MCOLN1: variants seen among roughly 807,000 people sequenced by gnomAD.
MCOLN1 encodes the protein mucolipin-1.
Under a neutral mutation model 70.3 loss-of-function variants are expected in MCOLN1, and 50 were observed. That is an observed-to-expected ratio of 0.71 (90% CI 0.57 to 0.90). The LOEUF is 0.90. Among genes scored for constraint, MCOLN1 ranks in the 40% least tolerant of loss-of-function variants. The probability of loss-of-function intolerance (pLI) is 0.00; values close to 1 mark genes in which losing one functional copy is unlikely to be tolerated. For missense variants in MCOLN1, 598 were observed against 803.5 expected, an observed-to-expected ratio of 0.74 and a Z score of 3.09; for synonymous variants, 366 against 341.0, an observed-to-expected ratio of 1.07 and a Z score of -0.81.
Position 7,522,712 on chromosome 19 carries a change from C to T in MCOLN1, c.-39C>T, listed in dbSNP as rs893816919. 3 of 1,450,688 alleles carry T rather than the reference C, an allele frequency of 2.1e-6. No homozygotes were observed. The highest frequency in any genetic ancestry group is 1.4e-5 in the South Asian group (1 of 73,734). 89.9% of individuals were successfully genotyped at this position (1,450,688 alleles called of 1,614,324 possible). On this transcript the variant is annotated 5_prime_UTR_variant, in exon 1 of 14. Transcript: ENST00000264079. ...CGGCGGGCGATCGGACCCAGGCTGC[C>T]CCGCCGTACCCGCCTGCGTCCCGCG...
At position 7,526,268 on chromosome 19, in the gene MCOLN1, A is replaced by G; in HGVS notation, c.238-171A>G. The stretch of plus-strand genomic sequence containing the variant: ...GAGGTGGGGTGAAATTAATCAAAGC[A>G]AAGAAATGCACAAGTGAAATCCGTG... On this transcript the variant is annotated intron_variant, in intron 2 of 13. Transcript: ENST00000264079. The surrounding 1 kb of genome is among the most constrained non-coding windows in gnomAD (Gnocchi z 4.6). The G allele has an allele frequency of 1.3e-6, 1 of 782,126 alleles. No homozygotes were observed. The highest frequency in any genetic ancestry group is 2.2e-6 in the Non-Finnish European group (1 of 454,276). The allele number at this position is 782,126 out of a possible 1,614,324, so 48.4% of individuals were successfully genotyped here. A position where few individuals can be genotyped will look rare whatever the true frequency, so the allele number is the denominator to read the frequency against.
In MCOLN1 at chr19:7,527,852, C is replaced by A. The variant is rs1209736592; in HGVS notation, c.681-12C>A. ...AAGACGCCCCTGACCCTCACCCGAG[C>A]CTCCTGCCTAGGCTGGTCAATGTCA... is the stretch of plus-strand genomic sequence containing the variant. On this transcript the variant is annotated splice_polypyrimidine_tract_variant and intron_variant, in intron 5 of 13. Transcript: ENST00000264079. 3 of 1,608,414 alleles carry A rather than the reference C, an allele frequency of 1.9e-6. No individual in the cohort carries two copies. Among genetic ancestry groups the A allele is most frequent in the Admixed American group, 3.3e-5 (2 of 60,002 alleles).
chr19:7,533,497 C>A (rs1171660757), intron 12 of MCOLN1, 26 bp from the exon 13 acceptor site: 1 of 1,609,900 alleles, frequency 6.2e-7, no homozygotes, highest in African/African-American at 1.3e-5. Context: ...CACTTTCAGG[C>A]TGAGCCTCCC....
Position 7,528,671 on chromosome 19 carries a change from C to T in MCOLN1, c.952C>T (p.Arg318Cys), listed in dbSNP as rs760754683. The T allele has an allele frequency of 3.1e-6, 5 of 1,614,118 alleles. No individual in the cohort carries two copies. Among genetic ancestry groups the T allele is most frequent in the Non-Finnish European group, 3.4e-6 (4 of 1,180,036 alleles). ...TCSLSFLLCARSLLRGFLLQN... is the reference protein window; with the variant it reads ...TCSLSFLLCACSLLRGFLLQN... ...CTCCCTGTCCTTCCTCCTCTGCGCC[C>T]GCTCACTCCTTCGAGGCTTCCTGCT... The change falls in exon 8 of 14, where the codon CGC (arginine) becomes TGC (cysteine). Residue 318 changes from arginine (R) to cysteine (C), a missense_variant. Arg to Cys is a radical substitution (Grantham distance 180). Transcript: ENST00000264079. This position sits in a 1 kb window ranked among gnomAD's most constrained non-coding sequence, Gnocchi z 4.2.
rs2022616480 is a variant in MCOLN1 at position 7,529,111 on chromosome 19, G to A, written c.1145G>A (p.Ser382Asn). 1.2e-6 allele frequency: 2 copies of A among 1,613,828 alleles called. No individual in the cohort carries two copies. The highest frequency in any genetic ancestry group is 1.3e-5 in the African/African-American group (1 of 74,918). Residue 382 changes from serine to asparagine, a missense_variant, in exon 10 of 14, where the codon AGC (serine) becomes AAC (asparagine). Ser to Asn is a conservative substitution (Grantham distance 46). This residue lies in a region of MCOLN1 where 461 missense variants were observed against 588.4 expected (regional missense o/e 0.78). Coordinates refer to ENST00000264079, the MANE Select transcript of MCOLN1 (RefSeq NM_020533.3). ...KIGIEAKNLA[S>N]YDVCSILLGT... ...AGCTCCCACCCGCAGAACTTGGCGA[G>A]CTACGACGTCTGCAGCATCCTCCTG...
Position 7,524,902 on chromosome 19 carries a change from G to C in MCOLN1, c.32-59G>C, listed in dbSNP as rs968952210. Reference sequence around the variant, plus strand: ...GGCGTGTGCTGCCTTCCTGGTTGGAGAAAGGGGAAAAGGGGAGTTGCCCAG... The same window carrying C: ...GGCGTGTGCTGCCTTCCTGGTTGGACAAAGGGGAAAAGGGGAGTTGCCCAG... On this transcript the variant is annotated intron_variant, in intron 1 of 13. Transcript: ENST00000264079. The surrounding 1 kb of genome is among the most constrained non-coding windows in gnomAD (Gnocchi z 4.1). The C allele has an allele frequency of 1.4e-6, 2 of 1,426,342 alleles. No individual in the cohort carries two copies. The highest frequency in any genetic ancestry group is 2.8e-5 in the African/African-American group (2 of 70,854). The allele number at this position is 1,426,342 out of a possible 1,614,324, so 88.4% of individuals were successfully genotyped here. A position where few individuals can be genotyped will look rare whatever the true frequency, so the allele number is the denominator to read the frequency against.
chr19:7,526,513 C>G lies in MCOLN1; in HGVS notation c.312C>G (p.Leu104=), dbSNP rs1264915460. The part of the protein sequence containing the change: ...REENTIAFRH[L]FLLGYSDGAD... ...AGAACACCATCGCCTTCCGACACCTCTTCCTGCTGGGCTACTCGGACGGAG... is the reference window on the plus strand; with the variant it reads ...AGAACACCATCGCCTTCCGACACCTGTTCCTGCTGGGCTACTCGGACGGAG... Residue 104 remains leucine, a synonymous_variant, in exon 3 of 14, where the codon CTC becomes CTG. Coordinates refer to ENST00000264079, the MANE Select transcript of MCOLN1 (RefSeq NM_020533.3). This position sits in a 1 kb window ranked among gnomAD's most constrained non-coding sequence, Gnocchi z 4.6. The G allele has an allele frequency of 6.2e-7, 1 of 1,614,272 alleles. No individual in the cohort carries two copies. The highest frequency in any genetic ancestry group is 1.1e-5 in the South Asian group (1 of 91,090).
At chr19:7,523,713 A>G (rs1356643217) in intron 1 of MCOLN1, among the ~76,000 whole-genome samples, 1 of 152,238 alleles carries the variant, frequency 6.6e-6, no homozygotes, top group Non-Finnish European at 1.5e-5. Context: ...CTGAAAGCTT[A>G]GATCTAACCA....
chr19:7,522,814 A>G, intron 1 of MCOLN1, 33 bp downstream of exon 1: 3 of 1,314,718 alleles, frequency 2.3e-6, no homozygotes, highest in Non-Finnish European at 2.9e-6. Context: ...GGGGCCCCGA[A>G]CTCAGGCGGG....
chr19:7,529,512 C>T, intron 10 of MCOLN1, 78 bp from the exon 11 acceptor site: 2 of 992,996 alleles, frequency 2.0e-6, no homozygotes, highest in Middle Eastern at 3.1e-4. Context: ...CCCCGCCCCT[C>T]CCACCCCCAT....
Position 7,525,235 on chromosome 19 carries a change from T to C in MCOLN1, c.237+69T>C, listed in dbSNP as rs2022552562. ...GCTGCTGTGCTCCTTGAAGAGAGTCTTAAAGCAGCACTTTGGAAGGCCGAG... is the reference window on the plus strand; with the variant it reads ...GCTGCTGTGCTCCTTGAAGAGAGTCCTAAAGCAGCACTTTGGAAGGCCGAG... On this transcript the variant is annotated intron_variant, in intron 2 of 13. Coordinates refer to ENST00000264079, the MANE Select transcript of MCOLN1 (RefSeq NM_020533.3). This position sits in a 1 kb window ranked among gnomAD's most constrained non-coding sequence, Gnocchi z 4.2. 1.4e-6 allele frequency: 2 copies of C among 1,457,852 alleles called. No individual in the cohort carries two copies. Among genetic ancestry groups the C allele is most frequent in the Non-Finnish European group, 1.9e-6 (2 of 1,043,542 alleles). 90.3% of individuals were successfully genotyped at this position (1,457,852 alleles called of 1,614,324 possible).
chr19:7,526,739 C>G lies in MCOLN1; in HGVS notation c.406-22C>G. On this transcript the variant is annotated intron_variant, in intron 3 of 13. Coordinates refer to ENST00000264079, the MANE Select transcript of MCOLN1 (RefSeq NM_020533.3). The surrounding 1 kb of genome is among the most constrained non-coding windows in gnomAD (Gnocchi z 4.6). ...GCAGAGAGCGGGCCGGACTCACAGG[C>G]CCTCCCCTTCTCTGCCCACAGTACC... 4 of 1,612,676 alleles carry G rather than the reference C, an allele frequency of 2.5e-6. No homozygotes were observed. The highest frequency in any genetic ancestry group is 1.7e-6 in the Non-Finnish European group (2 of 1,179,954).
chr19:7,526,266 G>A lies in MCOLN1; in HGVS notation c.238-173G>A, dbSNP rs752455050. ...AGGAGGTGGGGTGAAATTAATCAAA[G>A]CAAAGAAATGCACAAGTGAAATCCG... On this transcript the variant is annotated intron_variant, in intron 2 of 13. Transcript: ENST00000264079. This position sits in a 1 kb window ranked among gnomAD's most constrained non-coding sequence, Gnocchi z 4.6. 4 of 771,468 alleles carry A rather than the reference G, an allele frequency of 5.2e-6. No individual in the cohort carries two copies. The highest frequency in any genetic ancestry group is 6.7e-6 in the Non-Finnish European group (3 of 446,948). 47.8% of individuals were successfully genotyped at this position (771,468 alleles called of 1,614,324 possible).
chr19:7,526,960 GCCT>G lies in MCOLN1; in HGVS notation c.571+35_571+37del. ...GCAGGACGAGGCTTCACTGTTGGGA[GCCT>G]GAGCTGCTGGGATTAAAATCAACAG... On this transcript the variant is annotated intron_variant, in intron 4 of 13. Transcript: ENST00000264079. This position sits in a 1 kb window ranked among gnomAD's most constrained non-coding sequence, Gnocchi z 4.6. The G allele has an allele frequency of 6.2e-7, 1 of 1,613,526 alleles. No homozygotes were observed. The highest frequency in any genetic ancestry group is 8.5e-7 in the Non-Finnish European group (1 of 1,179,726).
chr19:7,526,835 C>T lies in MCOLN1; in HGVS notation c.480C>T (p.Gly160=), dbSNP rs1474264968. 5 of 1,614,032 alleles carry T rather than the reference C, an allele frequency of 3.1e-6. No homozygotes were observed. The African/African-American group carries it at 5.3e-5, about 17-fold the overall frequency. ...VRGGGDPWTN[G]SGLALCQRYY... Reference sequence around the variant, plus strand: ...GTGGGGGTGACCCTTGGACCAATGGCTCAGGGCTTGCTCTCTGCCAGCGGT... The same window carrying T: ...GTGGGGGTGACCCTTGGACCAATGGTTCAGGGCTTGCTCTCTGCCAGCGGT... The change falls in exon 4 of 14, where the codon GGC becomes GGT. Residue 160 remains glycine (G), a synonymous_variant. Transcript: ENST00000264079. This position sits in a 1 kb window ranked among gnomAD's most constrained non-coding sequence, Gnocchi z 4.6.
In MCOLN1 at chr19:7,528,343, G is replaced by A; in HGVS notation, c.877+86G>A. The A allele has an allele frequency of 7.5e-7, 1 of 1,334,154 alleles. No homozygotes were observed. The highest frequency in any genetic ancestry group is 1.1e-6 in the Non-Finnish European group (1 of 935,842). The allele number at this position is 1,334,154 out of a possible 1,614,324, so 82.6% of individuals were successfully genotyped here. The stretch of plus-strand genomic sequence containing the variant: ...CAAGCCCCAGATCAGCGCTGCCTGG[G>A]GGCCGTGACCTCCCCAGGAATCCGC... On this transcript the variant is annotated intron_variant, in intron 7 of 13. Transcript: ENST00000264079. The surrounding 1 kb of genome is among the most constrained non-coding windows in gnomAD (Gnocchi z 4.2).
Position 7,533,872 on chromosome 19 carries a change from G to C in MCOLN1, c.*77G>C. 1 of 1,581,998 alleles carries C rather than the reference G, an allele frequency of 6.3e-7. No individual in the cohort carries two copies. The highest frequency in any genetic ancestry group is 8.6e-7 in the Non-Finnish European group (1 of 1,156,112). ...CCCCGACCCCGCTTATTTATTTGTA[G>C]GGTTTGCTTTTAAGGATCGGCTCCC... On this transcript the variant is annotated 3_prime_UTR_variant, in exon 14 of 14. Coordinates refer to ENST00000264079, the MANE Select transcript of MCOLN1 (RefSeq NM_020533.3).
chr19:7,531,208 A>AT lies in MCOLN1; in HGVS notation c.1575+717dup, dbSNP rs1016184056. 2.9e-4 allele frequency among the ~76,000 whole-genome samples: 43 copies of AT among 146,030 alleles called. No individual in the cohort carries two copies. The East Asian group carries it at 3.3e-3, about 11-fold the overall frequency. ...CCACCACACCCAGCCTATTATTATT[A>AT]TTTTTTTTTTGAAATGGAATCTTAC... On this transcript the variant is annotated intron_variant, in intron 12 of 13. Coordinates refer to ENST00000264079, the MANE Select transcript of MCOLN1 (RefSeq NM_020533.3).
rs1221075278 is a variant in MCOLN1 at position 7,528,019 on chromosome 19, G to T, written c.777+59G>T. On this transcript the variant is annotated intron_variant, in intron 6 of 13. Transcript: ENST00000264079. This position sits in a 1 kb window ranked among gnomAD's most constrained non-coding sequence, Gnocchi z 4.2. ...GTTCCAGGGCAGGGACCTGGTCAGG[G>T]AGTGTCTTGGGAGCACTGGCCAAGG... The T allele has an allele frequency of 6.4e-7, 1 of 1,562,554 alleles. No individual in the cohort carries two copies. Among genetic ancestry groups the T allele is most frequent in the East Asian group, 2.2e-5 (1 of 44,594 alleles).
Sources: gnomAD v4.1 joint callset for allele counts (sites outside exome capture counted in the v4.1 genomes callset) on GRCh38, gnomAD v4.1.1 for gene constraint, gnomAD v4.1.1 regional missense constraint, Gnocchi (gnomAD v3.1) non-coding constraint, MANE v1.5 for transcripts, NCBI Gene and HGNC (gene_info 2026-07-23, HGNC 2026-07-21) for gene names.